Variants in CLASP2 observed in about 807,000 individuals in gnomAD.
CLASP2 encodes the protein CLIP-associating protein 2.
In CLASP2, 47 loss-of-function variants were observed where a neutral mutation model predicts 194.4. That is an observed-to-expected ratio of 0.24 (90% CI 0.19 to 0.31). CLASP2 has a LOEUF of 0.31. Ranked by LOEUF, CLASP2 falls within the 10% of genes least tolerant of loss-of-function variation. The pLI is 1.00. For synonymous variants in CLASP2, 619 were observed against 633.5 expected (o/e 0.98, Z 0.34); for missense variants, 1,445 against 1,823.6 (o/e 0.79, Z 3.78).
intron 12 of CLASP2, among the ~76,000 whole-genome samples, chr3:33,617,269 A>T (rs1278058759): frequency 6.6e-6 from 1 of 152,162 alleles, no homozygotes; most frequent in East Asian, 1.9e-4. Flanking sequence ...AAACTGATCA[A>T]GGAAACTGAA....
At position 33,647,704 on chromosome 3, in the gene CLASP2, C is replaced by T. The variant is rs143197138; in HGVS notation, c.716-2801G>A. 4.6e-3 allele frequency among the ~76,000 whole-genome samples: 702 copies of T among 152,296 alleles called. 2 individuals are homozygous for T. The highest frequency in any genetic ancestry group is 7.3e-3 in the Non-Finnish European group (496 of 68,014). On this transcript the variant is annotated intron_variant, in intron 7 of 38. Coordinates refer to ENST00000682230, the MANE Select transcript of CLASP2 (RefSeq NM_001365631.1). ...GCAGATGGTTTTGATCCGCAAGCAA[C>T]AGTTTGCCAATCTCTGCTCTAGGCT...
chr3:33,502,468 TG>T (rs1256782158), intron 37 of CLASP2: 1 of 152,240 alleles, frequency 6.6e-6, no homozygotes, highest in Non-Finnish European at 1.5e-5. Context: ...CTTTTATAAT[TG>T]CTACTTTGAA....
chr3:33,595,053 A>G, intron 19 of CLASP2, 85 bp from the exon 20 acceptor site: 5 of 708,750 alleles, frequency 7.1e-6, no homozygotes, highest in Non-Finnish European at 1.1e-5. Context: ...ACCCAACACT[A>G]CAATGAAAGG....
At chr3:33,578,359 A>G (rs1047286495) in intron 23 of CLASP2, among the ~76,000 whole-genome samples, 2 of 152,228 alleles carry the variant, frequency 1.3e-5, no homozygotes, top group Non-Finnish European at 2.9e-5. Flanking sequence ...CATATTTTGC[A>G]TAACACCATA....
At chr3:33,634,962 C>A (rs1192966187) in intron 8 of CLASP2, among the ~76,000 whole-genome samples, 1 of 151,902 alleles carries the variant, frequency 6.6e-6, no homozygotes, top group Non-Finnish European at 1.5e-5. Flanking sequence ...AATATTAAAG[C>A]ACTGAAATAA....
intron 1 of CLASP2, among the ~76,000 whole-genome samples, chr3:33,713,031 A>G (rs2093106328): frequency 6.6e-6 from 1 of 150,568 alleles, no homozygotes; most frequent in East Asian, 1.9e-4. Flanking sequence ...AAAAAAAAAA[A>G]AAAAAAAAGA....
At chr3:33,717,599 G>A (rs2093357986) in intron 1 of CLASP2, among the ~76,000 whole-genome samples, 1 of 152,058 alleles carries the variant, frequency 6.6e-6, no homozygotes, top group Non-Finnish European at 1.5e-5. Context: ...GCTAATTTTT[G>A]TATTTTTAGT....
intron 27 of CLASP2, 91 bp downstream of exon 27, chr3:33,566,641 T>C: frequency 2.5e-6 from 1 of 405,184 alleles, no homozygotes; most frequent in Non-Finnish European, 4.8e-6. Flanking sequence ...CAACACTGCA[T>C]GAACTCTTTG....
Position 33,596,753 on chromosome 3 carries a change from C to T in CLASP2, c.1925-19G>A. 6.4e-7 allele frequency: 1 copy of T among 1,551,902 alleles called. No homozygotes were observed. On this transcript the variant is annotated intron_variant, in intron 18 of 38. Transcript: ENST00000682230. ...GTATCCTCTTTGATGAAAGCACAAG[C>T]AAAGAACAGAGGAAAACTTAGTATA... is the stretch of plus-strand genomic sequence containing the variant.
At chr3:33,509,342 G>A (rs930358254) in intron 37 of CLASP2, among the ~76,000 whole-genome samples, 10 of 152,068 alleles carry the variant, frequency 6.6e-5, no homozygotes, top group Admixed American at 5.9e-4. Flanking sequence ...TCAGCCTCCC[G>A]AGTAGCTGGG....
intron 34 of CLASP2, among the ~76,000 whole-genome samples, chr3:33,518,743 A>T (rs553594475): frequency 6.6e-6 from 1 of 152,380 alleles, no homozygotes; most frequent in South Asian, 2.1e-4. Context: ...CATGAAAGTA[A>T]GCTTTGTAAT....
intron 10 of CLASP2, among the ~76,000 whole-genome samples, chr3:33,624,899 T>G (rs760134063): frequency 2.6e-5 from 4 of 151,982 alleles, no homozygotes; most frequent in Non-Finnish European, 5.9e-5. Flanking sequence ...TTTCTCCCCA[T>G]CACAATGGCA....
intron 18 of CLASP2, among the ~76,000 whole-genome samples, chr3:33,600,211 T>C (rs2154251372): frequency 6.6e-6 from 1 of 152,250 alleles, no homozygotes; most frequent in African/African-American, 2.4e-5. Context: ...CTTGCTTAAT[T>C]GCCCTGTCTA....
At chr3:33,645,187 T>C in intron 7 of CLASP2, 1 of 754,624 alleles carries the variant, frequency 1.3e-6, no homozygotes, top group Non-Finnish European at 2.4e-6. Context: ...GTATTTTTCA[T>C]GTTTTTGCTA....
chr3:33,612,195 T>A, intron 12 of CLASP2, 124 bp from the exon 13 acceptor site: 1 of 633,684 alleles, frequency 1.6e-6, no homozygotes, highest in Non-Finnish European at 2.7e-6. Context: ...GATATTAGAT[T>A]TGAAAGAAAT....
chr3:33,658,047 T>G (rs993494895), intron 7 of CLASP2, among the ~76,000 whole-genome samples: 1 of 152,176 alleles, frequency 6.6e-6, no homozygotes, highest in Non-Finnish European at 1.5e-5. Context: ...GTGATGTTGA[T>G]GTGATTATAA....
intron 16 of CLASP2, among the ~76,000 whole-genome samples, chr3:33,606,386 T>C (rs1388723528): frequency 3.9e-5 from 6 of 152,174 alleles, no homozygotes; most frequent in Non-Finnish European, 8.8e-5. Context: ...ATATGAATCA[T>C]AGAACTCTTT....
At chr3:33,605,747 T>C (rs1034907166) in intron 16 of CLASP2, among the ~76,000 whole-genome samples, 6 of 152,114 alleles carry the variant, frequency 3.9e-5, no homozygotes, top group Non-Finnish European at 8.8e-5. Context: ...GCCTCCCAAG[T>C]AGCTGGGATT....
rs1575846198 is a variant in CLASP2 at position 33,718,130 on chromosome 3, GGGGCGCAGC to G, written c.-137_-129del. 5 of 940,708 alleles carry G rather than the reference GGGGCGCAGC, an allele frequency of 5.3e-6. No homozygotes were observed. In the South Asian group the frequency reaches 1.3e-4, roughly 24 times the overall value. 58.3% of individuals were successfully genotyped at this position (940,708 alleles called of 1,614,324 possible). ...TTAGCCCGCCAGGGGCGCGGCTTGC[GGGGCGCAGC>G]GGGCGGCGGGAGGAACGCCAAGCGC... is the stretch of plus-strand genomic sequence containing the variant. On this transcript the variant is annotated 5_prime_UTR_variant, in exon 1 of 39. Coordinates refer to ENST00000682230, the MANE Select transcript of CLASP2 (RefSeq NM_001365631.1).
Sources: allele counts gnomAD v4.1 joint callset (sites outside exome capture counted in the v4.1 genomes callset), GRCh38; gene constraint gnomAD v4.1.1; transcripts MANE v1.5; gene names NCBI Gene and HGNC (gene_info 2026-07-23, HGNC 2026-07-21).